The following TMOD2 variants were observed in gnomAD, a reference collection of about 807,000 sequenced individuals.
The protein encoded by TMOD2 is tropomodulin-2.
In TMOD2, 22 loss-of-function variants were observed where a neutral mutation model predicts 39.9. The ratio of observed to expected loss-of-function variants is 0.55; its 90% CI spans 0.39 to 0.79. The LOEUF is 0.79. TMOD2 is among the 30% of genes least tolerant of loss of function. TMOD2 has a pLI of 0.00. For missense variants in TMOD2, 386 were observed against 413.3 expected (o/e 0.93, Z 0.57); for synonymous variants, 123 against 146.1 (o/e 0.84, Z 1.14).
intron 7 of TMOD2, among the ~76,000 whole-genome samples, chr15:51,797,888 A>C (rs1367538907): frequency 1.3e-5 from 2 of 151,552 alleles, no homozygotes; most frequent in Non-Finnish European, 2.9e-5. Flanking sequence ...TCTCAAAAAA[A>C]AAAAAACAGT....
Position 51,776,944 on chromosome 15 carries a change from T to G in TMOD2, c.419T>G (p.Val140Gly). 1 of 1,613,820 alleles carries G rather than the reference T, an allele frequency of 6.2e-7. No homozygotes were observed. Among genetic ancestry groups the G allele is most frequent in the Non-Finnish European group, 8.5e-7 (1 of 1,179,764 alleles). The change falls in exon 5 of 10, where the codon GTA becomes GGA. Residue 140 changes from valine to glycine, a missense_variant. Coordinates refer to ENST00000249700, the MANE Select transcript of TMOD2 (RefSeq NM_014548.4). ...ELYDLAAVLG[V>G]HNLLNNPKFD... ...TGACTGTTTTTAGCTGTCCTTGGAG[T>G]ACACAATTTGCTCAACAATCCAAAG... is the stretch of plus-strand genomic sequence containing the variant.
At chr15:51,804,847 A>C in intron 8 of TMOD2, among the ~76,000 whole-genome samples, 1 of 152,224 alleles carries the variant, frequency 6.6e-6, no homozygotes, top group East Asian at 1.9e-4. Context: ...CTGGGATTAC[A>C]GGCATGTGAG....
intron 7 of TMOD2, among the ~76,000 whole-genome samples, chr15:51,789,757 C>T (rs2055996941): frequency 6.6e-6 from 1 of 152,188 alleles, no homozygotes; most frequent in Non-Finnish European, 1.5e-5. Context: ...TCCTAAATGA[C>T]TACTGGGTAA....
At chr15:51,761,002 G>C (rs1038353638) in intron 1 of TMOD2, among the ~76,000 whole-genome samples, 1 of 152,082 alleles carries the variant, frequency 6.6e-6, no homozygotes. Flanking sequence ...AAAACAGGAA[G>C]TGCAGGTTAA....
chr15:51,764,572 T>C (rs537310969), intron 1 of TMOD2, among the ~76,000 whole-genome samples: 14 of 152,288 alleles, frequency 9.2e-5, no homozygotes, highest in African/African-American at 3.1e-4. Flanking sequence ...TTTAAGAAGC[T>C]GTGGTGGCTT....
Position 51,772,089 on chromosome 15 carries a change from G to A in TMOD2, c.284-1623G>A, listed in dbSNP as rs77880531. Among the ~76,000 whole-genome samples the A allele has an allele frequency of 4.6e-3, 694 of 152,290 alleles. 8 individuals are homozygous for A. Among genetic ancestry groups the A allele is most frequent in the East Asian group, 0.044 (229 of 5,178 alleles). On this transcript the variant is annotated intron_variant, in intron 3 of 9. Coordinates refer to ENST00000249700, the MANE Select transcript of TMOD2 (RefSeq NM_014548.4). ...GAAATACACAGACCTTGTAATCAGG[G>A]AAGTCTCCTGGAGAGTTCTCATGCA...
At chr15:51,787,080 A>G (rs996085712) in intron 7 of TMOD2, among the ~76,000 whole-genome samples, 3 of 152,196 alleles carry the variant, frequency 2.0e-5, no homozygotes, top group African/African-American at 7.2e-5. Context: ...TAGCCAAGAG[A>G]AGCCATGAGT....
chr15:51,783,016 C>G (rs1328942066), intron 7 of TMOD2, 188 bp downstream of exon 7: 8 of 568,830 alleles, frequency 1.4e-5, no homozygotes, highest in Non-Finnish European at 2.5e-5. Context: ...TTTAAGTTAT[C>G]TGGAATTTTG....
intron 7 of TMOD2, among the ~76,000 whole-genome samples, chr15:51,792,911 T>G (rs866755828): frequency 1.3e-5 from 2 of 152,220 alleles, no homozygotes; most frequent in South Asian, 2.1e-4. Context: ...ATACCTAATG[T>G]AGGTGACAGG....
chr15:51,761,455 T>C (rs190986296), intron 1 of TMOD2, among the ~76,000 whole-genome samples: 2 of 151,950 alleles, frequency 1.3e-5, no homozygotes, highest in East Asian at 3.9e-4. Context: ...GGCTGGGCAC[T>C]GTGGCTCATG....
At chr15:51,805,383 A>G (rs946242282) in intron 8 of TMOD2, among the ~76,000 whole-genome samples, 1 of 152,068 alleles carries the variant, frequency 6.6e-6, no homozygotes, top group African/African-American at 2.4e-5. Context: ...TAGTCCAGGA[A>G]CCCCCTTCAG....
Position 51,811,082 on chromosome 15 carries a change from T to A in TMOD2, c.*2628T>A, listed in dbSNP as rs979529420. ...CAGTTTGTTTTCTTATTACCTGTGT[T>A]TTTAAAGTGGCTTGAAAGGTGGCAT... On this transcript the variant is annotated 3_prime_UTR_variant, in exon 10 of 10. Coordinates refer to ENST00000249700, the MANE Select transcript of TMOD2 (RefSeq NM_014548.4). 6.6e-6 allele frequency: 1 copy of A among 152,200 alleles called. No individual in the cohort carries two copies. The highest frequency in any genetic ancestry group is 2.4e-5 in the African/African-American group (1 of 41,434). The allele number at this position is 152,200 out of a possible 1,614,324, so 9.4% of individuals were successfully genotyped here. A position where few individuals can be genotyped will look rare whatever the true frequency, so the allele number is the denominator to read the frequency against.
At chr15:51,796,343 T>C (rs2056051436) in intron 7 of TMOD2, among the ~76,000 whole-genome samples, 1 of 152,168 alleles carries the variant, frequency 6.6e-6, no homozygotes, top group Non-Finnish European at 1.5e-5. Context: ...GCCTGACAAA[T>C]AGTCTTTTTT....
At chr15:51,801,284 C>CAA (rs1314487875) in intron 8 of TMOD2, among the ~76,000 whole-genome samples, 1 of 130,364 alleles carries the variant, frequency 7.7e-6, no homozygotes, top group Non-Finnish European at 1.7e-5. Context: ...CACACACACA[C>CAA]CCTGTCTCTC....
rs2056063818 is a variant in TMOD2, at chr15:51,798,098, A to G, written c.733-99A>G. 5.7e-6 allele frequency: 6 copies of G among 1,056,490 alleles called. 1 individual carries two copies. In the South Asian group the frequency reaches 1.1e-4, roughly 19 times the overall value. 65.4% of individuals were successfully genotyped at this position (1,056,490 alleles called of 1,614,324 possible). A position where few individuals can be genotyped will look rare whatever the true frequency, so the allele number is the denominator to read the frequency against. On this transcript the variant is annotated intron_variant, in intron 7 of 9. Coordinates refer to ENST00000249700, the MANE Select transcript of TMOD2 (RefSeq NM_014548.4). ...TTGATGAAGGTTTTCTTTAAGTGCT[A>G]GAAAACATCTGTATTTAATTTGGGA...
chr15:51,796,030 C>A (rs2056049435), intron 7 of TMOD2, among the ~76,000 whole-genome samples: 2 of 150,606 alleles, frequency 1.3e-5, no homozygotes, highest in Non-Finnish European at 3.0e-5. Flanking sequence ...CCTGCTTGGT[C>A]AACTTTATTC....
chr15:51,770,861 A>G (rs764152443), intron 3 of TMOD2, among the ~76,000 whole-genome samples: 7 of 152,216 alleles, frequency 4.6e-5, no homozygotes, highest in Non-Finnish European at 8.8e-5. Flanking sequence ...GCAAATAATC[A>G]AGGATTGCTG....
intron 7 of TMOD2, among the ~76,000 whole-genome samples, chr15:51,797,150 G>A (rs1436142572): frequency 6.6e-6 from 1 of 152,224 alleles, no homozygotes; most frequent in African/African-American, 2.4e-5. Context: ...CAGATTGCAG[G>A]GAATACTGTA....
chr15:51,773,406 C>G (rs1567238182), intron 3 of TMOD2, among the ~76,000 whole-genome samples: 1 of 152,204 alleles, frequency 6.6e-6, no homozygotes, highest in East Asian at 1.9e-4. Context: ...CAGGGCCTCT[C>G]CTGCCCAGAC....
Sources: gnomAD v4.1 joint callset for allele counts (sites outside exome capture counted in the v4.1 genomes callset) on GRCh38, gnomAD v4.1.1 for gene constraint, MANE v1.5 for transcripts, NCBI Gene and HGNC (gene_info 2026-07-23, HGNC 2026-07-21) for gene names.